Variants in STXBP5L observed in about 807,000 individuals in gnomAD.
STXBP5L encodes the protein syntaxin binding protein 5L.
Under a neutral mutation model 144.5 loss-of-function variants are expected in STXBP5L, and 65 were observed. The observed-to-expected ratio is 0.45, with a 90% CI of 0.37 to 0.55. The LOEUF (loss-of-function observed/expected upper bound fraction) is 0.55, where lower values mean the gene tolerates loss of function less well. Among genes scored for constraint, STXBP5L ranks in the 20% least tolerant of loss-of-function variants. The pLI, the probability that STXBP5L is intolerant of heterozygous loss-of-function variation, is 0.00. For synonymous variants in STXBP5L, 505 were observed against 469.6 expected (o/e 1.08, Z -0.97); for missense variants, 1,298 against 1,405.5 (o/e 0.92, Z 1.22).
chr3:121,351,245 G>T (rs2045268486), intron 20 of STXBP5L, among the ~76,000 whole-genome samples: 1 of 152,120 alleles, frequency 6.6e-6, no homozygotes, highest in African/African-American at 2.4e-5. Flanking sequence ...GTTTGCCTGG[G>T]TATCAGCAAC....
intron 9 of STXBP5L, among the ~76,000 whole-genome samples, chr3:121,190,535 C>T (rs532796240): frequency 3.9e-5 from 6 of 152,368 alleles, no homozygotes; most frequent in African/African-American, 1.4e-4. Context: ...AAACCGCCAT[C>T]GTCATCATGG....
chr3:121,306,135 T>G (rs903417768), intron 19 of STXBP5L, among the ~76,000 whole-genome samples: 6 of 152,168 alleles, frequency 3.9e-5, no homozygotes, highest in Non-Finnish European at 7.4e-5. Context: ...CTCCAGAAAT[T>G]GTCGTAAGGG....
intron 3 of STXBP5L, among the ~76,000 whole-genome samples, chr3:121,009,351 GACCA>G (rs1396238958): frequency 2.6e-5 from 4 of 151,842 alleles, no homozygotes; most frequent in African/African-American, 7.3e-5. Flanking sequence ...CTAGACTCCT[GACCA>G]ACCAATCATG....
In STXBP5L at chr3:121,405,804, G is replaced by A. The variant is rs182014103; in HGVS notation, c.2588-1439G>A. 3.6e-3 allele frequency among the ~76,000 whole-genome samples: 553 copies of A among 152,148 alleles called. 2 individuals are homozygous for A. The highest frequency in any genetic ancestry group is 0.013 in the African/African-American group (528 of 41,532). On this transcript the variant is annotated intron_variant, in intron 22 of 26. Coordinates refer to ENST00000471454, the MANE Select transcript of STXBP5L (RefSeq NM_001308330.2). ...ACCTAATGAACAGAATATAATCAAA[G>A]CATTTATGACTAAAAATTAAGAAAC...
intron 19 of STXBP5L, among the ~76,000 whole-genome samples, chr3:121,305,154 AT>A (rs2043294305): frequency 6.6e-6 from 1 of 152,154 alleles, no homozygotes; most frequent in Admixed American, 6.5e-5. Flanking sequence ...TATCATTAAC[AT>A]TTTTTAATTC....
chr3:121,386,537 T>C (rs1332165133), intron 22 of STXBP5L, among the ~76,000 whole-genome samples: 3 of 152,220 alleles, frequency 2.0e-5, no homozygotes, highest in Non-Finnish European at 4.4e-5. Context: ...TTTCTTCTAA[T>C]GCTATCCCTC....
chr3:121,059,871 G>A (rs545807576), intron 5 of STXBP5L, among the ~76,000 whole-genome samples: 2 of 152,160 alleles, frequency 1.3e-5, no homozygotes, highest in African/African-American at 4.8e-5. Context: ...GAGATTTGGG[G>A]CTGAGACTAT....
chr3:121,196,948 G>C (rs1283386701), intron 9 of STXBP5L, among the ~76,000 whole-genome samples: 1 of 152,120 alleles, frequency 6.6e-6, no homozygotes, highest in Non-Finnish European at 1.5e-5. Context: ...CTCCCAAAGT[G>C]CTGGGATTTC....
rs1442066321 is a variant in STXBP5L, at chr3:121,418,365, C to T, written c.3255C>T (p.Ser1085=). 1 of 1,613,716 alleles carries T rather than the reference C, an allele frequency of 6.2e-7. No homozygotes were observed. The highest frequency in any genetic ancestry group is 8.5e-7 in the Non-Finnish European group (1 of 1,179,810). The stretch of plus-strand genomic sequence containing the variant: ...GGGAAGCTTCGGCAGGAAAAGCATC[C>T]CGCAGCCTTGCGCAACACATTCCTG... ...LFGEASAGKA[S]RSLAQHIPGP... The change falls in exon 26 of 27, where the codon TCC becomes TCT. Residue 1085 remains serine (S), a synonymous_variant. Coordinates refer to ENST00000471454, the MANE Select transcript of STXBP5L (RefSeq NM_001308330.2).
chr3:121,303,159 T>C (rs1299385852), intron 19 of STXBP5L, among the ~76,000 whole-genome samples: 1 of 152,138 alleles, frequency 6.6e-6, no homozygotes, highest in East Asian at 1.9e-4. Context: ...ATCCAGAATC[T>C]ACAATGAACT....
chr3:121,206,421 G>T (rs932028912), intron 10 of STXBP5L, among the ~76,000 whole-genome samples: 4 of 152,128 alleles, frequency 2.6e-5, no homozygotes, highest in Non-Finnish European at 5.9e-5. Context: ...GAAAGATAAA[G>T]TTGTGTATAT....
intron 22 of STXBP5L, among the ~76,000 whole-genome samples, chr3:121,386,822 G>T (rs1267644555): frequency 6.6e-6 from 1 of 152,148 alleles, no homozygotes; most frequent in Non-Finnish European, 1.5e-5. Context: ...CATTTGGGTT[G>T]GTTCCAAGTC....
intron 22 of STXBP5L, among the ~76,000 whole-genome samples, chr3:121,400,586 G>C (rs2046848295): frequency 6.6e-6 from 1 of 152,192 alleles, no homozygotes; most frequent in African/African-American, 2.4e-5. Flanking sequence ...GCAGCCATCA[G>C]ACTCAAATGT....
chr3:121,320,378 T>C (rs2043929588), intron 20 of STXBP5L, among the ~76,000 whole-genome samples: 1 of 152,172 alleles, frequency 6.6e-6, no homozygotes, highest in Non-Finnish European at 1.5e-5. Context: ...ATCTATTTCT[T>C]AATTCTTATA....
chr3:121,324,948 T>A (rs566617399), intron 20 of STXBP5L, among the ~76,000 whole-genome samples: 1 of 152,000 alleles, frequency 6.6e-6, no homozygotes, highest in Non-Finnish European at 1.5e-5. Context: ...ATAGTAAGAT[T>A]TTTTTTATAT....
At chr3:121,264,920 CAAG>C (rs2050510665) in intron 18 of STXBP5L, among the ~76,000 whole-genome samples, 2 of 151,818 alleles carry the variant, frequency 1.3e-5, no homozygotes, top group East Asian at 1.9e-4. Context: ...ATCAATGTAG[CAAG>C]AAGAGCTAAC....
At position 121,345,322 on chromosome 3, in the gene STXBP5L, C is replaced by G. The variant is rs2044913926; in HGVS notation, c.2176+26782C>G. ...ATGGTTTCCAGCTTCATCCATGTCC[C>G]TGCAAAGGACATGAACTCATCCTTT... On this transcript the variant is annotated intron_variant, in intron 20 of 26. Transcript: ENST00000471454. Among the ~76,000 whole-genome samples the G allele has an allele frequency of 2.0e-5, 3 of 152,096 alleles. No homozygotes were observed. The South Asian group carries it at 6.2e-4, about 32-fold the overall frequency.
chr3:121,088,953 G>A (rs1273344189), intron 5 of STXBP5L, among the ~76,000 whole-genome samples: 4 of 82,166 alleles, frequency 4.9e-5, no homozygotes, highest in African/African-American at 1.4e-4. Flanking sequence ...GGGGTCGGGG[G>A]AGGGGGGAGG....
intron 19 of STXBP5L, among the ~76,000 whole-genome samples, chr3:121,309,427 AGT>A (rs1413168697): frequency 6.6e-6 from 1 of 152,150 alleles, no homozygotes; most frequent in Non-Finnish European, 1.5e-5. Flanking sequence ...TAATGATAAA[AGT>A]GTCAATCAAG....
Sources: allele counts gnomAD v4.1 joint callset (sites outside exome capture counted in the v4.1 genomes callset), GRCh38; gene constraint gnomAD v4.1.1; transcripts MANE v1.5; gene names NCBI Gene and HGNC (gene_info 2026-07-23, HGNC 2026-07-21).